The following BAZ1A variants were observed in gnomAD, a reference collection of about 807,000 sequenced individuals.
The protein encoded by BAZ1A is bromodomain adjacent to zinc finger domain 1A, also known as bromodomain adjacent to zinc finger domain protein 1A.
In BAZ1A, 50 loss-of-function variants were observed where a neutral mutation model predicts 185.2. That is an observed-to-expected ratio of 0.27 (90% confidence interval 0.22 to 0.34). BAZ1A has a LOEUF of 0.34. Ranked by LOEUF, BAZ1A falls within the 10% of genes least tolerant of loss-of-function variation. BAZ1A has a pLI of 1.00. For synonymous variants in BAZ1A, 571 were observed against 615.6 expected (o/e 0.93, Z 1.07); for missense variants, 1,356 against 1,839.9 (o/e 0.74, Z 4.81).
At position 34,764,897 on chromosome 14, in the gene BAZ1A, G is replaced by A. The variant is rs1878729082; in HGVS notation, c.3586C>T (p.Arg1196Ter). 6.2e-7 allele frequency: 1 copy of A among 1,614,032 alleles called. No homozygotes were observed. The highest frequency in any genetic ancestry group is 8.5e-7 in the Non-Finnish European group (1 of 1,180,000). Reference protein sequence around the residue: ...PEGDWFCPECRPKQRSRRLSS... With the variant: ...PEGDWFCPEC ...AGTCTTCTAGAACGTTGCTTTGGTC[G>A]ACATTCTGGACAAAACCAGTCTCCT... The change falls in exon 23 of 27, where the codon CGA becomes TGA. Residue 1196 changes from arginine (R) to a stop codon, truncating the protein, a stop_gained. Transcript: ENST00000360310. LOFTEE classifies it high-confidence loss of function.
intron 12 of BAZ1A, chr14:34,786,459 A>G: frequency 4.8e-6 from 2 of 417,840 alleles, no homozygotes; most frequent in Non-Finnish European, 4.3e-6. Flanking sequence ...CAATTTCCAA[A>G]TTACCAATGA....
At chr14:34,755,760 C>G (rs925832300) in intron 25 of BAZ1A, among the ~76,000 whole-genome samples, 2 of 151,246 alleles carry the variant, frequency 1.3e-5, no homozygotes, top group African/African-American at 4.9e-5. Flanking sequence ...ACTACAACAC[C>G]ATCTCATATC....
chr14:34,836,820 AAG>A (rs1013526744), intron 3 of BAZ1A, among the ~76,000 whole-genome samples: 1 of 152,162 alleles, frequency 6.6e-6, no homozygotes, highest in African/African-American at 2.4e-5. Context: ...TTCACACAAA[AAG>A]AGTGTGAATT....
At chr14:34,773,058 G>C (rs1031675196) in intron 20 of BAZ1A, among the ~76,000 whole-genome samples, 1 of 151,754 alleles carries the variant, frequency 6.6e-6, no homozygotes, top group Non-Finnish European at 1.5e-5. Flanking sequence ...CAAAAACCAA[G>C]TGCATGCCAC....
At position 34,761,701 on chromosome 14, in the gene BAZ1A, A is replaced by C. The variant is rs1003551449; in HGVS notation, c.4243+56T>G. ...ATGATCCAAAGTATCTCAACATTCG[A>C]TATTTCCAAATTATTCAATTTTCCT... On this transcript the variant is annotated intron_variant, in intron 24 of 26. Transcript: ENST00000360310. 5 of 1,439,034 alleles carry C rather than the reference A, an allele frequency of 3.5e-6. No individual in the cohort carries two copies. In the African/African-American group the frequency reaches 7.1e-5, roughly 21 times the overall value. The allele number at this position is 1,439,034 out of a possible 1,614,324, so 89.1% of individuals were successfully genotyped here. A position where few individuals can be genotyped will look rare whatever the true frequency, so the allele number is the denominator to read the frequency against.
chr14:34,810,962 G>A lies in BAZ1A; in HGVS notation c.611C>T (p.Ser204Phe). 6.2e-7 allele frequency: 1 copy of A among 1,609,196 alleles called. No homozygotes were observed. Among genetic ancestry groups the A allele is most frequent in the Middle Eastern group, 1.7e-4 (1 of 6,034 alleles). The change falls in exon 5 of 27, where the codon TCT becomes TTT. Residue 204 changes from serine (S) to phenylalanine (F), a missense_variant. Physicochemically the swap from Ser to Phe is radical, Grantham distance 155. Transcript: ENST00000360310. ...GATTTGTGTTGCTTTAACAATAGCA[G>A]ACTCATGTAATTCTTTTTTAGTGGG... ...VQPTKKELHE[S>F]AIVKATQISR...
chr14:34,811,445 A>T (rs2041928610), intron 4 of BAZ1A, among the ~76,000 whole-genome samples: 1 of 151,970 alleles, frequency 6.6e-6, no homozygotes, highest in Non-Finnish European at 1.5e-5. Context: ...TTGGCCACAT[A>T]TTTCAAAATT....
chr14:34,784,662 C>T (rs191067209), intron 14 of BAZ1A, among the ~76,000 whole-genome samples: 17 of 150,880 alleles, frequency 1.1e-4, no homozygotes, highest in African/African-American at 3.9e-4. Flanking sequence ...GGACTACAGG[C>T]GCCCGCCACC....
intron 2 of BAZ1A, among the ~76,000 whole-genome samples, chr14:34,870,462 A>G (rs2042933232): frequency 6.6e-6 from 1 of 152,238 alleles, no homozygotes; most frequent in Admixed American, 6.5e-5. Context: ...GACCATTAGT[A>G]TAGGAATTGG....
At position 34,874,227 on chromosome 14, in the gene BAZ1A, G is replaced by A. The variant is rs1191488955; in HGVS notation, c.113+265C>T. 5.0e-6 allele frequency: 2 copies of A among 400,288 alleles called. No homozygotes were observed. The highest frequency in any genetic ancestry group is 4.5e-6 in the Non-Finnish European group (1 of 221,114). 24.8% of individuals were successfully genotyped at this position (400,288 alleles called of 1,614,324 possible). On this transcript the variant is annotated intron_variant, in intron 2 of 26. Transcript: ENST00000360310. This position sits in a 1 kb window ranked among gnomAD's most constrained non-coding sequence, Gnocchi z 4.7. ...AAGAGGGCGGGAGGGCGACAGCAGC[G>A]GCTAGGAGCGGTCCCCGAGGCCGGC...
chr14:34,817,884 G>A (rs1206747525), intron 4 of BAZ1A, among the ~76,000 whole-genome samples: 2 of 152,164 alleles, frequency 1.3e-5, no homozygotes, highest in African/African-American at 4.8e-5. Context: ...CTCTGATACT[G>A]CAGGTGAGAA....
intron 6 of BAZ1A, among the ~76,000 whole-genome samples, chr14:34,804,155 G>A (rs147295585): frequency 2.0e-5 from 3 of 152,196 alleles, no homozygotes; most frequent in Non-Finnish European, 4.4e-5. Context: ...TTACAGGTGC[G>A]TGCCACCACA....
intron 3 of BAZ1A, among the ~76,000 whole-genome samples, chr14:34,853,801 AG>A (rs1457521648): frequency 3.9e-5 from 6 of 152,046 alleles, no homozygotes; most frequent in Admixed American, 2.0e-4. Flanking sequence ...ATAAAAGACA[AG>A]GGGAGATAGT....
chr14:34,854,638 T>TA (rs2042647100), intron 3 of BAZ1A, among the ~76,000 whole-genome samples: 1 of 152,154 alleles, frequency 6.6e-6, no homozygotes, highest in African/African-American at 2.4e-5. Context: ...TACATATACA[T>TA]TTTCATTTTA....
chr14:34,810,830 G>A (rs948098716), intron 5 of BAZ1A, 105 bp downstream of exon 5: 7 of 783,566 alleles, frequency 8.9e-6, no homozygotes, highest in Non-Finnish European at 1.2e-5. Context: ...TTTTAAGAAG[G>A]AAAGCAATCA....
chr14:34,760,902 G>T (rs1289939273), intron 24 of BAZ1A, among the ~76,000 whole-genome samples: 1 of 151,978 alleles, frequency 6.6e-6, no homozygotes. Flanking sequence ...TAAAACAAGG[G>T]AAAGGAAGAG....
chr14:34,833,831 T>TGCA (rs2042288426), intron 3 of BAZ1A, among the ~76,000 whole-genome samples: 1 of 152,128 alleles, frequency 6.6e-6, no homozygotes, highest in Non-Finnish European at 1.5e-5. Context: ...GCCACTGAAC[T>TGCA]GCACACTTAA....
At chr14:34,757,773 CTT>C (rs1294993751) in intron 25 of BAZ1A, among the ~76,000 whole-genome samples, 2 of 148,756 alleles carry the variant, frequency 1.3e-5, no homozygotes, top group Non-Finnish European at 3.0e-5. Context: ...GAGTTTCACT[CTT>C]GTTGCCCAGC....
At chr14:34,786,769 G>A (rs751732077) in intron 12 of BAZ1A, among the ~76,000 whole-genome samples, 80 of 151,586 alleles carry the variant, frequency 5.3e-4, no homozygotes, top group Non-Finnish European at 1.0e-3. Flanking sequence ...CACCACGCCC[G>A]GCTAATTTTT....
Sources: gnomAD v4.1 joint callset for allele counts (sites outside exome capture counted in the v4.1 genomes callset) on GRCh38, gnomAD v4.1.1 for gene constraint, Gnocchi (gnomAD v3.1) non-coding constraint, MANE v1.5 for transcripts, NCBI Gene and HGNC (gene_info 2026-07-23, HGNC 2026-07-21) for gene names.